IGF1R: variants seen among roughly 807,000 people sequenced by gnomAD.
The protein encoded by IGF1R is insulin like growth factor 1 receptor.
A neutral mutation model predicts 144.6 loss-of-function variants in IGF1R; 44 were observed. The observed-to-expected ratio is 0.30, with a 90% CI of 0.24 to 0.39. The LOEUF is 0.39. Ranked by LOEUF, IGF1R falls within the 10% of genes least tolerant of loss-of-function variation. The pLI, the probability that IGF1R is intolerant of heterozygous loss-of-function variation, is 1.00. For synonymous variants in IGF1R, 795 were observed against 722.8 expected (o/e 1.10, Z -1.60); for missense variants, 1,355 against 1,833.7 (o/e 0.74, Z 4.77).
Position 98,913,035 on chromosome 15 carries a change from G to A in IGF1R, c.1590-9G>A, listed in dbSNP as rs755331207. Reference sequence around the variant, plus strand: ...CCCCGAACTTTCTCTGAACTTAATTGTCTTTCAGACCCTTTAAGAATGTCA... The same window carrying A: ...CCCCGAACTTTCTCTGAACTTAATTATCTTTCAGACCCTTTAAGAATGTCA... On this transcript the variant is annotated splice_polypyrimidine_tract_variant and intron_variant, in intron 7 of 20. Transcript: ENST00000650285. 47 of 1,604,624 alleles carry A rather than the reference G, an allele frequency of 2.9e-5. No individual in the cohort carries two copies. In the East Asian group the frequency reaches 9.8e-4, roughly 34 times the overall value.
At chr15:98,764,669 G>A (rs774503452) in intron 2 of IGF1R, among the ~76,000 whole-genome samples, 6 of 152,130 alleles carry the variant, frequency 3.9e-5, no homozygotes, top group East Asian at 1.9e-4. Flanking sequence ...TAAGTTCTTC[G>A]TCTTCGAATA....
chr15:98,663,234 C>T (rs953974665), intron 1 of IGF1R, among the ~76,000 whole-genome samples: 3 of 152,040 alleles, frequency 2.0e-5, no homozygotes, highest in African/African-American at 7.2e-5. Context: ...GTCGAGAGAG[C>T]AGTCCCAGTT....
intron 2 of IGF1R, among the ~76,000 whole-genome samples, chr15:98,778,223 A>T (rs74325933): frequency 2.6e-5 from 4 of 152,136 alleles, no homozygotes; most frequent in African/African-American, 9.7e-5. Context: ...CCTCGGAGTC[A>T]TGCCACATGG....
Position 98,935,325 on chromosome 15 carries a change from C to G in IGF1R, c.3196C>G (p.Leu1066Val). 3 of 1,549,458 alleles carry G rather than the reference C, an allele frequency of 1.9e-6. No homozygotes were observed. Among genetic ancestry groups the G allele is most frequent in the Non-Finnish European group, 2.6e-6 (3 of 1,145,270 alleles). The part of the protein sequence containing the change: ...EFNCHHVVRL[L>V]GVVSQGQPTL... The stretch of plus-strand genomic sequence containing the variant: ...TTTTGATTCCTCCCAGGTGCGATTG[C>G]TGGGTGTGGTGTCCCAAGGCCAGCC... The change falls in exon 17 of 21, where the codon CTG (leucine) becomes GTG (valine). Residue 1066 changes from leucine to valine, a missense_variant. Leu to Val is a conservative substitution (Grantham distance 32). Coordinates refer to ENST00000650285, the MANE Select transcript of IGF1R (RefSeq NM_000875.5). This position sits in a 1 kb window ranked among gnomAD's most constrained non-coding sequence, Gnocchi z 4.2.
At chr15:98,890,291 T>C (rs952932435) in intron 2 of IGF1R, 5 of 152,138 alleles carry the variant, frequency 3.3e-5, no homozygotes, top group African/African-American at 1.2e-4. Context: ...ATACAGGTCA[T>C]AAAGACCTTG....
rs2017320623 is a variant in IGF1R, at chr15:98,963,798, GA to G, written c.*6358del. ...AGATACGTATTTCCAATACAGAAAA[GA>G]ATTTTTAATAAAAACTATAACATAC... is the stretch of plus-strand genomic sequence containing the variant. On this transcript the variant is annotated 3_prime_UTR_variant, in exon 21 of 21. Transcript: ENST00000650285. The G allele has an allele frequency of 4.3e-6, 1 of 232,742 alleles. No individual in the cohort carries two copies. Among genetic ancestry groups the G allele is most frequent in the South Asian group, 1.8e-4 (1 of 5,530 alleles). The allele number at this position is 232,742 out of a possible 1,614,324, so 14.4% of individuals were successfully genotyped here. A position where few individuals can be genotyped will look rare whatever the true frequency, so the allele number is the denominator to read the frequency against.
intron 9 of IGF1R, 129 bp downstream of exon 9, chr15:98,916,260 G>GTTT: frequency 1.2e-5 from 9 of 725,634 alleles, no homozygotes; most frequent in Admixed American, 6.2e-5. Flanking sequence ...GCTATCTTCT[G>GTTT]GTTTTTTTTT....
At chr15:98,921,232 G>A (rs2015471819) in intron 10 of IGF1R, among the ~76,000 whole-genome samples, 1 of 152,110 alleles carries the variant, frequency 6.6e-6, no homozygotes, top group South Asian at 2.1e-4. Context: ...GTTTGTTTTT[G>A]TTGGTTCCTG....
chr15:98,771,896 C>G (rs893887477), intron 2 of IGF1R, among the ~76,000 whole-genome samples: 1 of 151,226 alleles, frequency 6.6e-6, no homozygotes, highest in African/African-American at 2.5e-5. Context: ...CTTCCTTCTT[C>G]TCCACTGACA....
intron 1 of IGF1R, among the ~76,000 whole-genome samples, chr15:98,681,014 T>C (rs1003548340): frequency 6.6e-6 from 1 of 152,170 alleles, no homozygotes; most frequent in African/African-American, 2.4e-5. Flanking sequence ...GTTGGTAGCC[T>C]AGGAGTAATA....
chr15:98,844,706 G>A (rs1310963525), intron 2 of IGF1R, among the ~76,000 whole-genome samples: 2 of 151,924 alleles, frequency 1.3e-5, no homozygotes, highest in African/African-American at 4.8e-5. Flanking sequence ...GAAAGTGAGA[G>A]ATTATGGAAA....
At chr15:98,909,213 G>T (rs1466124347) in intron 6 of IGF1R, among the ~76,000 whole-genome samples, 3 of 148,594 alleles carry the variant, frequency 2.0e-5, no homozygotes, top group Non-Finnish European at 4.5e-5. Flanking sequence ...CAGGTGCACA[G>T]TTAGATATTT....
intron 2 of IGF1R, among the ~76,000 whole-genome samples, chr15:98,810,554 C>CTT (rs1289249437): frequency 4.9e-4 from 68 of 138,702 alleles, no homozygotes; most frequent in Non-Finnish European, 6.3e-4. Context: ...CTTTTCTTTT[C>CTT]TTTTTTTTTT....
At chr15:98,949,818 C>A (rs1596483763) in intron 20 of IGF1R, among the ~76,000 whole-genome samples, 1 of 152,200 alleles carries the variant, frequency 6.6e-6, no homozygotes, top group Non-Finnish European at 1.5e-5. Context: ...GGAGGACTTG[C>A]TCTGTGTCCG....
chr15:98,651,042 A>G (rs1008559113), intron 1 of IGF1R: 5 of 985,244 alleles, frequency 5.1e-6, no homozygotes, highest in African/African-American at 1.7e-5. Flanking sequence ...AAAAGTTTAA[A>G]TGTCGCAGAA....
chr15:98,916,216 A>G (rs915471392), intron 9 of IGF1R, 85 bp downstream of exon 9: 5 of 1,281,152 alleles, frequency 3.9e-6, no homozygotes, highest in East Asian at 4.7e-5. Flanking sequence ...TATTACACGT[A>G]TCAGACAACA....
At chr15:98,723,323 C>T (rs1025619936) in intron 2 of IGF1R, among the ~76,000 whole-genome samples, 2 of 152,168 alleles carry the variant, frequency 1.3e-5, no homozygotes, top group African/African-American at 4.8e-5. Context: ...CTTCTGTCCT[C>T]CAGTCAAAGA....
chr15:98,925,034 T>C (rs1378597333), intron 13 of IGF1R, among the ~76,000 whole-genome samples: 1 of 152,082 alleles, frequency 6.6e-6, no homozygotes, highest in Non-Finnish European at 1.5e-5. Context: ...TTATAAAGCA[T>C]TGAATTGACC....
chr15:98,837,961 T>C (rs2011116710), intron 2 of IGF1R, among the ~76,000 whole-genome samples: 1 of 152,232 alleles, frequency 6.6e-6, no homozygotes, highest in Admixed American at 6.5e-5. Context: ...TGACCACAGT[T>C]GTGATTTGGA....
Sources: allele counts gnomAD v4.1 joint callset (sites outside exome capture counted in the v4.1 genomes callset), GRCh38; gene constraint gnomAD v4.1.1; non-coding constraint Gnocchi (gnomAD v3.1); transcripts MANE v1.5; gene names NCBI Gene and HGNC (gene_info 2026-07-23, HGNC 2026-07-21).